MLH3: variants seen among roughly 807,000 people sequenced by gnomAD.
The protein encoded by MLH3 is DNA mismatch repair protein Mlh3.
MLH3 carries 82 observed loss-of-function variants against 122.2 expected under a neutral mutation model. The observed-to-expected ratio is 0.67, with a 90% CI of 0.56 to 0.81. The LOEUF is 0.81. Ranked by LOEUF, MLH3 falls within the 30% of genes least tolerant of loss-of-function variation. MLH3 has a pLI of 0.00. For missense variants in MLH3, 1,539 were observed against 1,714.5 expected (o/e 0.90, Z 1.81); for synonymous variants, 524 against 599.5 (o/e 0.87, Z 1.84).
At chr14:75,026,136 C>G (rs139350489) in intron 9 of MLH3, among the ~76,000 whole-genome samples, 49 of 152,310 alleles carry the variant, frequency 3.2e-4, no homozygotes, top group African/African-American at 1.1e-3. Flanking sequence ...TTATCTACTA[C>G]ATCTATCCTC....
intron 9 of MLH3, among the ~76,000 whole-genome samples, chr14:75,026,172 TATTACTAA>T (rs1890616114): frequency 6.6e-6 from 1 of 152,194 alleles, no homozygotes; most frequent in Non-Finnish European, 1.5e-5. Context: ...CTATTTTAGA[TATTACTAA>T]AGCACTTCAG....
rs147511987 is a variant in MLH3, at chr14:75,019,280, C to T, written c.4091-300G>A. On this transcript the variant is annotated intron_variant, in intron 11 of 12. Transcript: ENST00000355774. ...CAAAAATTAGCCGGGTGTGGTGGCACGCGCCTATAGTCCCAGCTACTTGGG... is the reference window on the plus strand; with the variant it reads ...CAAAAATTAGCCGGGTGTGGTGGCATGCGCCTATAGTCCCAGCTACTTGGG... Among the ~76,000 whole-genome samples, 937 of 151,884 alleles carry T rather than the reference C, an allele frequency of 6.2e-3. 5 individuals carry two copies. Among genetic ancestry groups the T allele is most frequent in the African/African-American group, 0.022 (902 of 41,400 alleles).
chr14:75,032,814 G>C (rs1345695385), intron 7 of MLH3, among the ~76,000 whole-genome samples: 1 of 101,512 alleles, frequency 9.9e-6, no homozygotes, highest in East Asian at 4.5e-4. Flanking sequence ...ACTGCCTCAT[G>C]ATGAGGAAAA....
intron 8 of MLH3, among the ~76,000 whole-genome samples, chr14:75,031,395 A>T (rs1891038993): frequency 6.6e-6 from 1 of 152,260 alleles, no homozygotes; most frequent in Non-Finnish European, 1.5e-5. Flanking sequence ...TACTGCAGAA[A>T]CTTTGCTTTC....
In MLH3 at chr14:75,049,425, T is replaced by G; in HGVS notation, c.231A>C (p.Lys77Asn). Reference sequence around the variant, plus strand: ...TCTCCAAGTCCTGTACCGAGTGGCATTTACTGGTGAAATAACGATTTCCCA... The same window carrying G: ...TCTCCAAGTCCTGTACCGAGTGGCAGTTACTGGTGAAATAACGATTTCCCA... Reference protein sequence around the residue: ...EKVGNRYFTSKCHSVQDLENP... With the variant: ...EKVGNRYFTSNCHSVQDLENP... The change falls in exon 2 of 13, where the codon AAA becomes AAC. Residue 77 changes from lysine to asparagine, a missense_variant. Lys to Asn is a moderately conservative substitution (Grantham distance 94). Transcript: ENST00000355774. 1 of 1,614,062 alleles carries G rather than the reference T, an allele frequency of 6.2e-7. No individual in the cohort carries two copies.
Position 75,049,372 on chromosome 14 carries a change from T to G in MLH3, c.284A>C (p.Glu95Ala). 1 of 1,614,046 alleles carries G rather than the reference T, an allele frequency of 6.2e-7. No individual in the cohort carries two copies. The highest frequency in any genetic ancestry group is 8.5e-7 in the Non-Finnish European group (1 of 1,180,034). ...CATGTCAGCAATATTTGCCAAGGCC[T>G]CTCCTCGGAAACCATAAAACCTTGG... ...ENPRFYGFRG[E>A]ALANIADMAS... Residue 95 changes from glutamate to alanine, a missense_variant, in exon 2 of 13, where the codon GAG becomes GCG. Glu to Ala is a moderately radical substitution (Grantham distance 107, BLOSUM62 -1). Transcript: ENST00000355774.
intron 12 of MLH3, 40 bp from the exon 13 acceptor site, chr14:75,017,241 A>C: frequency 1.2e-6 from 2 of 1,607,456 alleles, no homozygotes; most frequent in Non-Finnish European, 1.7e-6. Flanking sequence ...CAATATGAAA[A>C]GGTAGGTAGC....
chr14:75,034,828 C>T (rs1183984904), intron 6 of MLH3, among the ~76,000 whole-genome samples: 1 of 151,902 alleles, frequency 6.6e-6, no homozygotes, highest in African/African-American at 2.4e-5. Context: ...CTTTGGGAGG[C>T]TGAGGAGGGC....
chr14:75,030,432 G>T, intron 9 of MLH3, 111 bp downstream of exon 9: 1 of 1,124,846 alleles, frequency 8.9e-7, no homozygotes, highest in Non-Finnish European at 1.4e-6. Flanking sequence ...CACACCGCAG[G>T]TAAATACCAT....
rs1482562623 is a variant in MLH3 at position 75,038,936 on chromosome 14, TCATGCCATTCTCCTGCCTC to T, written c.3571-543_3571-525del. On this transcript the variant is annotated intron_variant, in intron 5 of 12. Transcript: ENST00000355774. ...TCACTGCAAGCTCTGCCTCCTGGGT[TCATGCCATTCTCCTGCCTC>T]CATGCCATTCTCCTGCCTCAGCCTC... is the stretch of plus-strand genomic sequence containing the variant. 7.2e-5 allele frequency among the ~76,000 whole-genome samples: 11 copies of T among 151,868 alleles called. No individual in the cohort carries two copies. The South Asian group carries it at 1.9e-3, about 26-fold the overall frequency.
At position 75,034,096 on chromosome 14, in the gene MLH3, G is replaced by C. The variant is rs550905333; in HGVS notation, c.3644-606C>G. ...TAGTTCCAGCTACTTGGGAGGCTGA[G>C]GCAGGAGAATCGCTTGAACCCAGGA... On this transcript the variant is annotated intron_variant, in intron 6 of 12. Coordinates refer to ENST00000355774, the MANE Select transcript of MLH3 (RefSeq NM_001040108.2). Among the ~76,000 whole-genome samples, 331 of 151,998 alleles carry C rather than the reference G, an allele frequency of 2.2e-3. 1 individual carries two copies. The highest frequency in any genetic ancestry group is 2.5e-3 in the Non-Finnish European group (167 of 68,012).
In MLH3 at chr14:75,014,690, C is replaced by CCATTCT. The variant is rs1889806681; in HGVS notation, c.*2391_*2392insAGAATG. 1 of 204,346 alleles carries CCATTCT rather than the reference C, an allele frequency of 4.9e-6. No homozygotes were observed. The highest frequency in any genetic ancestry group is 1.0e-5 in the Non-Finnish European group (1 of 99,524). The allele number at this position is 204,346 out of a possible 1,614,324, so 12.7% of individuals were successfully genotyped here. A position where few individuals can be genotyped will look rare whatever the true frequency, so the allele number is the denominator to read the frequency against. ...CAGAAAAAGGAACTCTCAAGAATGG[C>CCATTCT]TGCATTTTACATCTCATCTCTCAAG... On this transcript the variant is annotated 3_prime_UTR_variant, in exon 13 of 13. Coordinates refer to ENST00000355774, the MANE Select transcript of MLH3 (RefSeq NM_001040108.2).
In MLH3 at chr14:75,047,900, C is replaced by G; in HGVS notation, c.1756G>C (p.Glu586Gln). ...SAQTEKEKKK[E>Q]SSNCGRRNVF... ...TTTCTTCTTCCACAATTGCTAGATTCTTTTTTTTTCTCTTTCTCTGTCTGA... is the reference window on the plus strand; with the variant it reads ...TTTCTTCTTCCACAATTGCTAGATTGTTTTTTTTTCTCTTTCTCTGTCTGA... Residue 586 changes from glutamate to glutamine, a missense_variant, in exon 2 of 13, where the codon GAA becomes CAA. By Grantham distance (29) the Glu-to-Gln change is conservative (BLOSUM62 2). Coordinates refer to ENST00000355774, the MANE Select transcript of MLH3 (RefSeq NM_001040108.2). 3 of 1,610,032 alleles carry G rather than the reference C, an allele frequency of 1.9e-6. No homozygotes were observed. Among genetic ancestry groups the G allele is most frequent in the Non-Finnish European group, 2.5e-6 (3 of 1,177,514 alleles).
Position 75,019,084 on chromosome 14 carries a change from G to C in MLH3, c.4091-104C>G, listed in dbSNP as rs541251073. 1.6e-5 allele frequency: 17 copies of C among 1,075,862 alleles called. No homozygotes were observed. The South Asian group carries it at 1.9e-4, about 12-fold the overall frequency. The allele number at this position is 1,075,862 out of a possible 1,614,324, so 66.6% of individuals were successfully genotyped here. ...TCTGGAAAAAGTAACATGTTTCTTA[G>C]GCTTCTTTAATGAAGCTTTAATCCT... is the stretch of plus-strand genomic sequence containing the variant. On this transcript the variant is annotated intron_variant, in intron 11 of 12. Transcript: ENST00000355774.
chr14:75,037,271 C>T (rs781513608), intron 6 of MLH3, among the ~76,000 whole-genome samples: 16 of 152,142 alleles, frequency 1.1e-4, no homozygotes, highest in Non-Finnish European at 1.9e-4. Context: ...CCTCATTTTA[C>T]CAAGAAGCAC....
In MLH3 at chr14:75,041,687, A is replaced by G. The variant is rs769830131; in HGVS notation, c.3393T>C (p.Asp1131=). 1.2e-6 allele frequency: 2 copies of G among 1,613,732 alleles called. No homozygotes were observed. The highest frequency in any genetic ancestry group is 1.7e-6 in the Non-Finnish European group (2 of 1,179,578). ...ACTGAAGCGATTCGCTACTAACAGT[A>G]TCATCCACAGTATCTAGGGCAAAAG... is the stretch of plus-strand genomic sequence containing the variant. ...MRQDNRDTVD[D]TVSSESLQSL... The change falls in exon 4 of 13, where the codon GAT becomes GAC. Residue 1131 remains aspartate, a synonymous_variant. Coordinates refer to ENST00000355774, the MANE Select transcript of MLH3 (RefSeq NM_001040108.2).
At position 75,047,761 on chromosome 14, in the gene MLH3, C is replaced by G; in HGVS notation, c.1895G>C (p.Arg632Thr). ...TTCTTGGGCACGTGTGGGACCAGGT[C>G]TAACATAATTTTTAAATGAATGTTC... ...ETEHSFKNYV[R>T]PGPTRAQETF... Residue 632 changes from arginine (R) to threonine (T), a missense_variant, in exon 2 of 13, where the codon AGA becomes ACA. By Grantham distance (71) the Arg-to-Thr change is moderately conservative. Coordinates refer to ENST00000355774, the MANE Select transcript of MLH3 (RefSeq NM_001040108.2). 1 of 1,614,056 alleles carries G rather than the reference C, an allele frequency of 6.2e-7. No individual in the cohort carries two copies. Among genetic ancestry groups the G allele is most frequent in the Non-Finnish European group, 8.5e-7 (1 of 1,179,984 alleles).
Position 75,040,017 on chromosome 14 carries a change from T to C in MLH3, c.3466-2A>G. On this transcript the variant is annotated splice_acceptor_variant, in intron 4 of 12. Coordinates refer to ENST00000355774, the MANE Select transcript of MLH3 (RefSeq NM_001040108.2). LOFTEE classifies it high-confidence loss of function. ...GCCACTGCTTACATCAACAGCAACC[T>C]AGAAAGACTCAGCAAAATATAATTG... is the stretch of plus-strand genomic sequence containing the variant. The C allele has an allele frequency of 6.6e-7, 1 of 1,521,706 alleles. No homozygotes were observed. The allele number at this position is 1,521,706 out of a possible 1,614,324, so 94.3% of individuals were successfully genotyped here. A position where few individuals can be genotyped will look rare whatever the true frequency, so the allele number is the denominator to read the frequency against.
Position 75,049,162 on chromosome 14 carries a change from C to T in MLH3, c.494G>A (p.Arg165Lys). The change falls in exon 2 of 13, where the codon AGA becomes AAA. Residue 165 changes from arginine to lysine, a missense_variant. Coordinates refer to ENST00000355774, the MANE Select transcript of MLH3 (RefSeq NM_001040108.2). ...CTGCCTAACCTTCTCAAACTCCAGT[C>T]TAGGGTCCATGCATTTCCTCCTTAC... Reference protein sequence around the residue: ...LPVRRKCMDPRLEFEKVRQRI... With the variant: ...LPVRRKCMDPKLEFEKVRQRI... 6.2e-7 allele frequency: 1 copy of T among 1,614,184 alleles called. No individual in the cohort carries two copies. Among genetic ancestry groups the T allele is most frequent in the Non-Finnish European group, 8.5e-7 (1 of 1,180,028 alleles).
Sources: allele counts gnomAD v4.1 joint callset (sites outside exome capture counted in the v4.1 genomes callset), GRCh38; gene constraint gnomAD v4.1.1; transcripts MANE v1.5; gene names NCBI Gene and HGNC (gene_info 2026-07-23, HGNC 2026-07-21).